Variants in RASSF4 observed in about 807,000 individuals in gnomAD.
The protein encoded by RASSF4 is ras association domain-containing protein 4.
RASSF4 carries 38 observed loss-of-function variants against 41.1 expected under a neutral mutation model. The ratio of observed to expected loss-of-function variants is 0.92; its 90% CI spans 0.71 to 1.21. RASSF4 has a LOEUF of 1.21. RASSF4 is among the 50% of genes most tolerant of loss of function. The pLI is 0.00. For missense variants in RASSF4, 414 were observed against 419.4 expected (o/e 0.99, Z 0.11); for synonymous variants, 179 against 163.4 (o/e 1.10, Z -0.73).
intron 10 of RASSF4, 53 bp downstream of exon 10, chr10:44,992,055 G>A (rs1339918755): frequency 6.8e-6 from 8 of 1,172,760 alleles, no homozygotes; most frequent in South Asian, 1.3e-5. Flanking sequence ...GGGCAGGTCT[G>A]CAAAGCACAG....
Position 44,993,835 on chromosome 10 carries a change from C to A in RASSF4, c.*506C>A, listed in dbSNP as rs7085359. On this transcript the variant is annotated 3_prime_UTR_variant, in exon 11 of 11. Transcript: ENST00000340258. ...AGCCATCACCTTGCCACAGTGTCCC[C>A]GGCTTCTAAGCCTCCAATATCACCC... is the stretch of plus-strand genomic sequence containing the variant. 0.025 allele frequency: 3,943 copies of A among 157,038 alleles called. 183 individuals carry two copies. Among genetic ancestry groups the A allele is most frequent in the African/African-American group, 0.088 (3,698 of 41,796 alleles). The allele number at this position is 157,038 out of a possible 1,614,324, so 9.7% of individuals were successfully genotyped here.
chr10:44,982,393 T>C (rs1389071230), intron 3 of RASSF4, 128 bp from the exon 4 acceptor site: 2 of 1,179,846 alleles, frequency 1.7e-6, no homozygotes, highest in Non-Finnish European at 2.5e-6. Context: ...TGGTCCTTCC[T>C]GAGGGGATGG....
At chr10:44,978,333 A>C in intron 3 of RASSF4, 1 of 343,888 alleles carries the variant, frequency 2.9e-6, no homozygotes, top group Non-Finnish European at 5.3e-6. Flanking sequence ...CTGGGTTTAA[A>C]ACCAGGATCG....
At chr10:44,969,090 T>C (rs988156826) in intron 1 of RASSF4, among the ~76,000 whole-genome samples, 3 of 145,010 alleles carry the variant, frequency 2.1e-5, no homozygotes, top group Non-Finnish European at 4.6e-5. Flanking sequence ...GTGCATGTGA[T>C]TGTGTATGCG....
In RASSF4 at chr10:44,970,145, A is replaced by G. The variant is rs1425804026; in HGVS notation, c.-38-20A>G. 2.0e-6 allele frequency: 3 copies of G among 1,484,194 alleles called. No homozygotes were observed. In the African/African-American group the frequency reaches 4.2e-5, roughly 21 times the overall value. The allele number at this position is 1,484,194 out of a possible 1,614,324, so 91.9% of individuals were successfully genotyped here. A position where few individuals can be genotyped will look rare whatever the true frequency, so the allele number is the denominator to read the frequency against. On this transcript the variant is annotated intron_variant, in intron 1 of 10. Transcript: ENST00000340258. The stretch of plus-strand genomic sequence containing the variant: ...ACTCCTCTGGCTCACCTGTCTGTCC[A>G]CCCTTCCTTGTCTTCCCAGCAAGTA...
intron 9 of RASSF4, 87 bp downstream of exon 9, chr10:44,991,156 C>T (rs1192251462): frequency 7.6e-7 from 1 of 1,317,738 alleles, no homozygotes; most frequent in African/African-American, 1.5e-5. Flanking sequence ...TGGCCAGAGC[C>T]CTGTCAGTTG....
chr10:44,989,345 G>C lies in RASSF4; in HGVS notation c.603G>C (p.Gln201His). The change falls in exon 7 of 11, where the codon CAG becomes CAC. Residue 201 changes from glutamine (Q) to histidine (H), a missense_variant. Physicochemically the swap from Gln to His is conservative, Grantham distance 24. Transcript: ENST00000340258. ...TCAACAGCACCATGACAACCCTGCA[G>C]GTGCTCACCCTGCTGCTGAACAAAT... is the stretch of plus-strand genomic sequence containing the variant. ...VRVNSTMTTL[Q>H]VLTLLLNKFR... 1.2e-6 allele frequency: 2 copies of C among 1,613,882 alleles called. No homozygotes were observed. Among genetic ancestry groups the C allele is most frequent in the African/African-American group, 2.7e-5 (2 of 75,040 alleles).
chr10:44,972,281 A>G (rs1490191472), intron 3 of RASSF4, among the ~76,000 whole-genome samples: 1 of 152,158 alleles, frequency 6.6e-6, no homozygotes. Flanking sequence ...CCTGGTCCCC[A>G]GTACTCTCAT....
At chr10:44,984,183 A>C (rs1841830175) in intron 5 of RASSF4, 70 bp downstream of exon 5, 2 of 1,410,648 alleles carry the variant, frequency 1.4e-6, no homozygotes, top group Admixed American at 4.7e-5. Flanking sequence ...CTTGGCTCAC[A>C]ACCACAATCT....
chr10:44,982,427 C>A, intron 3 of RASSF4, 94 bp from the exon 4 acceptor site: 1 of 1,491,164 alleles, frequency 6.7e-7, no homozygotes. Flanking sequence ...GAGGGATGTG[C>A]AAGGCCTGAG....
chr10:44,959,832 A>G lies in RASSF4; in HGVS notation c.-73A>G, dbSNP rs1332408415. ...TCCGGTGCAAGCGAGGACACGACACATGCAGTGGCTTCTGGACTGCGCGAT... is the reference window on the plus strand; with the variant it reads ...TCCGGTGCAAGCGAGGACACGACACGTGCAGTGGCTTCTGGACTGCGCGAT... On this transcript the variant is annotated 5_prime_UTR_variant, in exon 1 of 11. The change abolishes an upstream ATG in the 5' untranslated region. Transcript: ENST00000340258. 2 of 152,488 alleles carry G rather than the reference A, an allele frequency of 1.3e-5. No individual in the cohort carries two copies. The highest frequency in any genetic ancestry group is 2.9e-5 in the Non-Finnish European group (2 of 68,264). The allele number at this position is 152,488 out of a possible 1,614,324, so 9.4% of individuals were successfully genotyped here. A position where few individuals can be genotyped will look rare whatever the true frequency, so the allele number is the denominator to read the frequency against.
At chr10:44,966,187 G>A (rs1225943757) in intron 1 of RASSF4, among the ~76,000 whole-genome samples, 2 of 152,056 alleles carry the variant, frequency 1.3e-5, no homozygotes, top group Non-Finnish European at 2.9e-5. Context: ...GAGAGGAGAA[G>A]GCATGCAACG....
At chr10:44,966,181 G>A (rs1317036538) in intron 1 of RASSF4, among the ~76,000 whole-genome samples, 2 of 152,102 alleles carry the variant, frequency 1.3e-5, no homozygotes, top group African/African-American at 4.8e-5. Flanking sequence ...GGCCCAGAGA[G>A]GAGAAGGCAT....
At position 44,989,681 on chromosome 10, in the gene RASSF4, C is replaced by T. The variant is rs1239012401; in HGVS notation, c.645C>T (p.Gly215=). 6.2e-7 allele frequency: 1 copy of T among 1,614,110 alleles called. No individual in the cohort carries two copies. The highest frequency in any genetic ancestry group is 8.5e-7 in the Non-Finnish European group (1 of 1,179,944). ...LLLNKFRVED[G]PSEFALYIVH... ...GACTGCCTGTGCAGGTGGAAGATGG[C>T]CCCAGTGAGTTCGCACTCTACATCG... The change falls in exon 8 of 11, where the codon GGC becomes GGT. Residue 215 remains glycine (G), a synonymous_variant. Coordinates refer to ENST00000340258, the MANE Select transcript of RASSF4 (RefSeq NM_032023.4).
intron 1 of RASSF4, among the ~76,000 whole-genome samples, chr10:44,964,962 AGCTCAG>A (rs1375920264): frequency 6.6e-6 from 1 of 152,266 alleles, no homozygotes; most frequent in Non-Finnish European, 1.5e-5. Flanking sequence ...GTGATCCTGG[AGCTCAG>A]GAAAAACAGG....
At chr10:44,969,782 G>A (rs1841068731) in intron 1 of RASSF4, among the ~76,000 whole-genome samples, 1 of 152,262 alleles carries the variant, frequency 6.6e-6, no homozygotes, top group Admixed American at 6.5e-5. Flanking sequence ...GCAGGAGAGA[G>A]GCCCAGGGTA....
Position 44,991,019 on chromosome 10 carries a change from G to T in RASSF4, c.757G>T (p.Ala253Ser), listed in dbSNP as rs201005781. Residue 253 changes from alanine to serine, a missense_variant, in exon 9 of 11, where the codon GCC (alanine) becomes TCC (serine). Physicochemically the swap from Ala to Ser is moderately conservative, Grantham distance 99 (BLOSUM62 1). Transcript: ENST00000340258. ...RILHGPCEKIARIFLMEADLG... is the reference protein window; with the variant it reads ...RILHGPCEKISRIFLMEADLG... The stretch of plus-strand genomic sequence containing the variant: ...CCTGCATGGGCCATGTGAGAAGATC[G>T]CCAGGATCTTCCTGATGGAAGCTGA... The T allele has an allele frequency of 1.2e-6, 2 of 1,613,466 alleles. No individual in the cohort carries two copies. Among genetic ancestry groups the T allele is most frequent in the East Asian group, 2.2e-5 (1 of 44,868 alleles).
chr10:44,984,543 G>T, intron 5 of RASSF4: 1 of 541,174 alleles, frequency 1.8e-6, no homozygotes, highest in Non-Finnish European at 3.3e-6. Context: ...GACAGGGCTG[G>T]GGCCACCAAA....
chr10:44,977,763 T>G (rs758057613), intron 3 of RASSF4: 3 of 1,600,996 alleles, frequency 1.9e-6, no homozygotes, highest in Non-Finnish European at 2.6e-6. Flanking sequence ...TGCTGGCCAC[T>G]GAAACGTGCG....
Sources: gnomAD v4.1 joint callset for allele counts (sites outside exome capture counted in the v4.1 genomes callset) on GRCh38, gnomAD v4.1.1 for gene constraint, MANE v1.5 for transcripts, NCBI Gene and HGNC (gene_info 2026-07-23, HGNC 2026-07-21) for gene names.